Variants in PTPN13 observed in about 807,000 individuals in gnomAD.
The protein encoded by PTPN13 is protein tyrosine phosphatase non-receptor type 13.
PTPN13 carries 191 observed loss-of-function variants against 284.0 expected under a neutral mutation model. The ratio of observed to expected loss-of-function variants is 0.67; its 90% CI spans 0.60 to 0.76. The LOEUF (loss-of-function observed/expected upper bound fraction) is 0.76, where lower values mean the gene tolerates loss of function less well. PTPN13 is among the 30% of genes least tolerant of loss of function. PTPN13 has a pLI of 0.00. For missense variants in PTPN13, 2,797 were observed against 2,939.9 expected, an observed-to-expected ratio of 0.95 and a Z score of 1.12; for synonymous variants, 986 against 1,022.3, an observed-to-expected ratio of 0.96 and a Z score of 0.68.
rs1416065618 is a variant in PTPN13, at chr4:86,785,360, G to A, written c.6248G>A (p.Cys2083Tyr). The A allele has an allele frequency of 3.1e-6, 5 of 1,610,312 alleles. No individual in the cohort carries two copies. The highest frequency in any genetic ancestry group is 4.2e-6 in the Non-Finnish European group (5 of 1,178,124). Residue 2083 changes from cysteine to tyrosine, a missense_variant, in exon 39 of 48, where the codon TGT becomes TAT. Transcript: ENST00000411767. ...GAAAATAATGCAGCAGGATACTCCTGTGGTCCAGGTACGTGAACCAGATGA... is the reference window on the plus strand; with the variant it reads ...GAAAATAATGCAGCAGGATACTCCTATGGTCCAGGTACGTGAACCAGATGA... ...LNENNAAGYSCGPGTLKMNGK... is the reference protein window; with the variant it reads ...LNENNAAGYSYGPGTLKMNGK...
At chr4:86,669,519 A>G (rs1727498321) in intron 2 of PTPN13, among the ~76,000 whole-genome samples, 1 of 152,148 alleles carries the variant, frequency 6.6e-6, no homozygotes, top group African/African-American at 2.4e-5. Flanking sequence ...ATAGTTCTTA[A>G]CAGAGTAATT....
intron 2 of PTPN13, 32 bp from the exon 3 acceptor site, chr4:86,672,333 T>G: frequency 1.3e-6 from 2 of 1,484,504 alleles, no homozygotes; most frequent in Non-Finnish European, 1.8e-6. Flanking sequence ...TTCTTTTTTT[T>G]TATTTTTTAT....
chr4:86,732,319 T>C lies in PTPN13; in HGVS notation c.1609-81T>C, dbSNP rs147584822. On this transcript the variant is annotated intron_variant, in intron 10 of 47. Coordinates refer to ENST00000411767, the MANE Select transcript of PTPN13 (RefSeq NM_080683.3). ...TTTTGTAGTTTCATATGTAATTTAT[T>C]ATTCTTACATTATTTTTCCTTTCAA... The C allele has an allele frequency of 5.8e-5, 66 of 1,147,308 alleles. No individual in the cohort carries two copies. The African/African-American group carries it at 8.9e-4, about 16-fold the overall frequency. The allele number at this position is 1,147,308 out of a possible 1,614,324, so 71.1% of individuals were successfully genotyped here.
At chr4:86,720,961 G>T (rs966751691) in intron 9 of PTPN13, among the ~76,000 whole-genome samples, 5 of 152,000 alleles carry the variant, frequency 3.3e-5, no homozygotes, top group African/African-American at 9.7e-5. Context: ...GAATTTCTAA[G>T]CCTTTTTATG....
intron 1 of PTPN13, among the ~76,000 whole-genome samples, chr4:86,614,931 A>G (rs189022781): frequency 2.6e-5 from 4 of 152,226 alleles, no homozygotes; most frequent in Admixed American, 1.3e-4. Context: ...GTAATTACTA[A>G]TTGAAGTAGG....
chr4:86,728,731 G>T (rs1734610025), intron 10 of PTPN13, among the ~76,000 whole-genome samples: 1 of 111,912 alleles, frequency 8.9e-6, no homozygotes, highest in South Asian at 3.2e-4. Flanking sequence ...GAGCCTATGT[G>T]TTTCTCTGCA....
chr4:86,807,089 A>T (rs1477480651), intron 44 of PTPN13, among the ~76,000 whole-genome samples: 1 of 152,150 alleles, frequency 6.6e-6, no homozygotes, highest in African/African-American at 2.4e-5. Flanking sequence ...TGCCAATAAC[A>T]TTTGCAATAT....
chr4:86,794,337 C>T (rs569478055), intron 40 of PTPN13, among the ~76,000 whole-genome samples: 4 of 152,162 alleles, frequency 2.6e-5, no homozygotes, highest in South Asian at 2.1e-4. Context: ...ATCCAACTTA[C>T]GAGGGATGTG....
chr4:86,778,939 A>G (rs1442106645), intron 35 of PTPN13, among the ~76,000 whole-genome samples: 1 of 151,896 alleles, frequency 6.6e-6, no homozygotes, highest in Non-Finnish European at 1.5e-5. Flanking sequence ...TGGAAAAAAA[A>G]AAGATATCAA....
chr4:86,645,072 G>T (rs568336605), intron 2 of PTPN13, among the ~76,000 whole-genome samples: 2 of 152,110 alleles, frequency 1.3e-5, no homozygotes, highest in Admixed American at 6.6e-5. Flanking sequence ...AGTCAGACGT[G>T]GTGACATATA....
At position 86,797,020 on chromosome 4, in the gene PTPN13, C is replaced by CTAT. The variant is rs1383327753; in HGVS notation, c.6401+91_6401+92insTAT. The CTAT allele has an allele frequency of 1.9e-5, 17 of 903,966 alleles. No individual in the cohort carries two copies. In the Admixed American group the frequency reaches 3.9e-4, roughly 21 times the overall value. The allele number at this position is 903,966 out of a possible 1,614,324, so 56.0% of individuals were successfully genotyped here. On this transcript the variant is annotated intron_variant, in intron 41 of 47. Transcript: ENST00000411767. ...CATTTGTTTTCCAGTATAAAATAAGCATAGTTGAGTAGATTATAAAACTAT... is the reference window on the plus strand; with the variant it reads ...CATTTGTTTTCCAGTATAAAATAAGCTATATAGTTGAGTAGATTATAAAACTAT...
At chr4:86,617,079 A>T (rs532793665) in intron 1 of PTPN13, among the ~76,000 whole-genome samples, 1 of 152,292 alleles carries the variant, frequency 6.6e-6, no homozygotes, top group Admixed American at 6.5e-5. Context: ...TTACATGATT[A>T]GACCTATATT....
chr4:86,803,064 C>CTGTGTGTGTGTGTGTG (rs143647187), intron 42 of PTPN13, among the ~76,000 whole-genome samples: 13 of 136,152 alleles, frequency 9.5e-5, no homozygotes, highest in African/African-American at 3.3e-4. Context: ...CAGAATAAGA[C>CTGTGTGTGTGTGTGTG]TGTGTGTGTG....
intron 7 of PTPN13, among the ~76,000 whole-genome samples, chr4:86,704,476 C>T (rs1731505393): frequency 6.6e-6 from 1 of 152,086 alleles, no homozygotes; most frequent in African/African-American, 2.4e-5. Flanking sequence ...CTATTATCTT[C>T]TCAGTTAATG....
At chr4:86,626,643 CTT>C (rs1383855118) in intron 1 of PTPN13, among the ~76,000 whole-genome samples, 1 of 152,088 alleles carries the variant, frequency 6.6e-6, no homozygotes, top group African/African-American at 2.4e-5. Flanking sequence ...TGCTGGAACT[CTT>C]TGCATTGTTG....
At chr4:86,779,248 T>C (rs895352552) in intron 35 of PTPN13, among the ~76,000 whole-genome samples, 1 of 152,046 alleles carries the variant, frequency 6.6e-6, no homozygotes, top group Non-Finnish European at 1.5e-5. Flanking sequence ...ACCCCGTCTC[T>C]ACTAAAAATA....
rs773855914 is a variant in PTPN13, at chr4:86,741,676, G to C, written c.2347G>C (p.Val783Leu). The change falls in exon 16 of 48, where the codon GTG (valine) becomes CTG (leucine). Residue 783 changes from valine to leucine, a missense_variant. Physicochemically the swap from Val to Leu is conservative, Grantham distance 32 (BLOSUM62 1). Coordinates refer to ENST00000411767, the MANE Select transcript of PTPN13 (RefSeq NM_080683.3). ...LTEYGVHFHR[V>L]HPEKKSQTGI... The stretch of plus-strand genomic sequence containing the variant: ...AGAATATGGAGTTCATTTTCACCGA[G>C]TGCACCCTGAGAAGAAGTCACAAAC... The C allele has an allele frequency of 2.5e-6, 4 of 1,613,722 alleles. 1 individual carries two copies. The South Asian group carries it at 4.4e-5, about 18-fold the overall frequency.
At chr4:86,687,175 A>C (rs1029931827) in intron 4 of PTPN13, among the ~76,000 whole-genome samples, 1 of 152,030 alleles carries the variant, frequency 6.6e-6, no homozygotes, top group African/African-American at 2.4e-5. Context: ...TGATGCAAAA[A>C]CTCTAGGAAT....
At position 86,763,154 on chromosome 4, in the gene PTPN13, T is replaced by C. The variant is rs930975753; in HGVS notation, c.3981T>C (p.Thr1327=). 1 of 1,613,670 alleles carries C rather than the reference T, an allele frequency of 6.2e-7. No homozygotes were observed. The highest frequency in any genetic ancestry group is 8.5e-7 in the Non-Finnish European group (1 of 1,179,808). The change falls in exon 24 of 48, where the codon ACT becomes ACC. Residue 1327 remains threonine (T), a synonymous_variant. Coordinates refer to ENST00000411767, the MANE Select transcript of PTPN13 (RefSeq NM_080683.3). ...GAGATTCAGACATGGATGAAGCCACTTACTCCAGCAGTCAGGATCATCAAA... is the reference window on the plus strand; with the variant it reads ...GAGATTCAGACATGGATGAAGCCACCTACTCCAGCAGTCAGGATCATCAAA... ...DRGDSDMDEA[T]YSSSQDHQTP...
Sources: gnomAD v4.1 joint callset for allele counts (sites outside exome capture counted in the v4.1 genomes callset) on GRCh38, gnomAD v4.1.1 for gene constraint, MANE v1.5 for transcripts, NCBI Gene and HGNC (gene_info 2026-07-23, HGNC 2026-07-21) for gene names.